The following CNTN5 variants were observed in gnomAD, a reference collection of about 807,000 sequenced individuals.
The protein encoded by CNTN5 is contactin-5.
Under a neutral mutation model 129.1 loss-of-function variants are expected in CNTN5, and 77 were observed. The observed-to-expected ratio is 0.60, with a 90% confidence interval of 0.50 to 0.72. CNTN5 has a LOEUF of 0.72. CNTN5 is among the 30% of genes least tolerant of loss of function. The pLI is 0.00. For missense variants in CNTN5, 1,478 were observed against 1,328.8 expected, an observed-to-expected ratio of 1.11 and a Z score of -1.75; for synonymous variants, 509 against 465.6, an observed-to-expected ratio of 1.09 and a Z score of -1.20.
chr11:99,865,628 T>A (rs1948334601), intron 6 of CNTN5, among the ~76,000 whole-genome samples: 1 of 152,026 alleles, frequency 6.6e-6, no homozygotes, highest in Admixed American at 6.6e-5. Context: ...AGGGAAAATA[T>A]CAGAATTTTT....
intron 6 of CNTN5, among the ~76,000 whole-genome samples, chr11:99,869,519 T>C (rs1206714806): frequency 6.6e-6 from 1 of 152,160 alleles, no homozygotes. Flanking sequence ...AAATGACCTC[T>C]TCAACTATCC....
intron 1 of CNTN5, among the ~76,000 whole-genome samples, chr11:99,294,541 T>C (rs1430365411): frequency 6.6e-6 from 1 of 152,190 alleles, no homozygotes; most frequent in East Asian, 1.9e-4. Context: ...AATGGAAAGA[T>C]ATCCCATGTT....
chr11:99,550,604 A>G (rs1231779980), intron 2 of CNTN5, among the ~76,000 whole-genome samples: 1 of 152,178 alleles, frequency 6.6e-6, no homozygotes, highest in Middle Eastern at 3.2e-3. Context: ...TCCTTTCACC[A>G]AAATTTACAT....
chr11:100,309,755 G>T (rs572890719), intron 21 of CNTN5: 1 of 970,434 alleles, frequency 1.0e-6, no homozygotes, highest in Non-Finnish European at 1.2e-6. Flanking sequence ...AGACACTGTG[G>T]TGGTTTGTCC....
chr11:99,274,950 A>G (rs1244874515), intron 1 of CNTN5, among the ~76,000 whole-genome samples: 1 of 151,560 alleles, frequency 6.6e-6, no homozygotes, highest in Non-Finnish European at 1.5e-5. Flanking sequence ...ATTACAACAC[A>G]TCAAAATAGT....
At chr11:99,768,501 A>G (rs752014091) in intron 3 of CNTN5, among the ~76,000 whole-genome samples, 2 of 152,142 alleles carry the variant, frequency 1.3e-5, no homozygotes, top group African/African-American at 2.4e-5. Context: ...ATGCATTGCC[A>G]TTGATACTTT....
intron 3 of CNTN5, among the ~76,000 whole-genome samples, chr11:99,782,407 G>A (rs1398262152): frequency 6.0e-5 from 9 of 149,384 alleles, no homozygotes; most frequent in African/African-American, 2.2e-4. Flanking sequence ...ACTGCCCAAG[G>A]TAATTTACAG....
intron 1 of CNTN5, among the ~76,000 whole-genome samples, chr11:99,197,141 T>C (rs1368457852): frequency 1.3e-5 from 2 of 151,930 alleles, no homozygotes; most frequent in Admixed American, 6.6e-5. Context: ...ATTTTACAAA[T>C]TGGACACATA....
chr11:99,735,041 A>G (rs897349145), intron 3 of CNTN5, among the ~76,000 whole-genome samples: 8 of 152,074 alleles, frequency 5.3e-5, no homozygotes, highest in African/African-American at 1.7e-4. Flanking sequence ...TCTGTAACCC[A>G]CTGTGTTATA....
intron 3 of CNTN5, among the ~76,000 whole-genome samples, chr11:99,584,068 T>C (rs966612153): frequency 2.6e-5 from 4 of 152,344 alleles, no homozygotes; most frequent in Middle Eastern, 3.4e-3. Flanking sequence ...AATTTTTTAC[T>C]GGGATCAAAG....
chr11:99,543,188 T>A (rs1565278395), intron 2 of CNTN5, among the ~76,000 whole-genome samples: 1 of 152,220 alleles, frequency 6.6e-6, no homozygotes, highest in Non-Finnish European at 1.5e-5. Flanking sequence ...ATCATATTTC[T>A]CTGCATTCAA....
At chr11:99,094,775 A>G (rs1185761210) in intron 1 of CNTN5, among the ~76,000 whole-genome samples, 1 of 151,916 alleles carries the variant, frequency 6.6e-6, no homozygotes, top group Admixed American at 6.6e-5. Context: ...TCCTGTGGAT[A>G]CTAAAGAGCC....
At chr11:100,299,591 G>T (rs1951174661) in intron 20 of CNTN5, among the ~76,000 whole-genome samples, 195 bp downstream of exon 20, 1 of 150,950 alleles carries the variant, frequency 6.6e-6, no homozygotes. Context: ...TTCCACATAT[G>T]TTGCTTTAAG....
intron 2 of CNTN5, among the ~76,000 whole-genome samples, chr11:99,396,654 T>A (rs1040438653): frequency 2.0e-5 from 3 of 151,672 alleles, no homozygotes; most frequent in Non-Finnish European, 4.4e-5. Context: ...ATATTTTTAT[T>A]ATAAGAAAGC....
intron 2 of CNTN5, among the ~76,000 whole-genome samples, chr11:99,349,775 T>C (rs781083602): frequency 3.9e-5 from 6 of 151,912 alleles, no homozygotes; most frequent in Non-Finnish European, 7.4e-5. Flanking sequence ...CATAGATGAG[T>C]GGGTTGAAGG....
At chr11:99,689,591 A>AT (rs1300193167) in intron 3 of CNTN5, among the ~76,000 whole-genome samples, 122 of 143,336 alleles carry the variant, frequency 8.5e-4, no homozygotes, top group Non-Finnish European at 1.4e-3. Context: ...AGCATCTGTT[A>AT]CTTTTTTTTG....
intron 2 of CNTN5, among the ~76,000 whole-genome samples, chr11:99,476,929 C>T (rs1565214794): frequency 6.6e-6 from 1 of 151,884 alleles, no homozygotes; most frequent in Non-Finnish European, 1.5e-5. Flanking sequence ...AAGTGAGATA[C>T]ATATATAGAT....
intron 16 of CNTN5, among the ~76,000 whole-genome samples, chr11:100,248,127 C>T (rs11223396): frequency 0.2 from 29,964 of 152,068 alleles, 3,233 homozygotes; most frequent in Non-Finnish European, 0.23. Flanking sequence ...AAAAATAAAA[C>T]AACTGGATAA....
At chr11:99,819,055 G>T (rs890616298) in intron 3 of CNTN5, among the ~76,000 whole-genome samples, 1 of 151,888 alleles carries the variant, frequency 6.6e-6, no homozygotes, top group South Asian at 2.1e-4. Context: ...ATCTATGTTT[G>T]TAGAATATAA....
Sources: allele counts gnomAD v4.1 joint callset (sites outside exome capture counted in the v4.1 genomes callset), GRCh38; gene constraint gnomAD v4.1.1; transcripts MANE v1.5; gene names NCBI Gene and HGNC (gene_info 2026-07-23, HGNC 2026-07-21).